RSRC1: variants seen among roughly 807,000 people sequenced by gnomAD.
RSRC1 encodes arginine and serine rich coiled-coil 1.
A neutral mutation model predicts 49.1 loss-of-function variants in RSRC1; 39 were observed. That is an observed-to-expected ratio of 0.79 (90% CI 0.61 to 1.04). The LOEUF (loss-of-function observed/expected upper bound fraction) is 1.04. Among genes scored for constraint, RSRC1 ranks in the 50% least tolerant of loss-of-function variants. The pLI is 0.00. For synonymous variants in RSRC1, 143 were observed against 130.8 expected (o/e 1.09, Z -0.63); for missense variants, 388 against 402.4 (o/e 0.96, Z 0.31).
chr3:158,149,017 C>G (rs902475925), intron 3 of RSRC1, among the ~76,000 whole-genome samples: 1 of 152,170 alleles, frequency 6.6e-6, no homozygotes, highest in Non-Finnish European at 1.5e-5. Flanking sequence ...CTCCTGACCT[C>G]AGGTGATCCA....
intron 6 of RSRC1, among the ~76,000 whole-genome samples, chr3:158,437,121 A>G (rs1736083208): frequency 1.3e-5 from 2 of 152,064 alleles, no homozygotes; most frequent in Admixed American, 1.3e-4. Context: ...CACACACAAA[A>G]AAAAAAACCT....
chr3:158,366,898 T>C (rs1280100443), intron 6 of RSRC1, among the ~76,000 whole-genome samples: 2 of 152,170 alleles, frequency 1.3e-5, no homozygotes, highest in African/African-American at 4.8e-5. Context: ...TATTTTATTC[T>C]CTTTGTAGCA....
At chr3:158,306,403 T>A (rs1009838138) in intron 5 of RSRC1, among the ~76,000 whole-genome samples, 14 of 151,966 alleles carry the variant, frequency 9.2e-5, no homozygotes, top group African/African-American at 3.1e-4. Flanking sequence ...TTGCTGGAAT[T>A]CTGTCAAAAT....
intron 4 of RSRC1, among the ~76,000 whole-genome samples, chr3:158,289,761 CAT>C (rs1477433732): frequency 2.0e-5 from 3 of 152,162 alleles, no homozygotes; most frequent in Non-Finnish European, 4.4e-5. Context: ...TGACATTAAG[CAT>C]TTTTAAAAAT....
intron 3 of RSRC1, among the ~76,000 whole-genome samples, chr3:158,200,020 A>T (rs964033144): frequency 6.6e-6 from 1 of 151,966 alleles, no homozygotes; most frequent in African/African-American, 2.4e-5. Context: ...TGCTGTTTAT[A>T]TGATGTATAT....
chr3:158,239,663 T>C (rs980735418), intron 4 of RSRC1, among the ~76,000 whole-genome samples: 2 of 152,048 alleles, frequency 1.3e-5, no homozygotes, highest in Non-Finnish European at 2.9e-5. Flanking sequence ...ACATGGCACA[T>C]GTATGCCTGT....
chr3:158,420,241 G>A (rs766301784), intron 6 of RSRC1, among the ~76,000 whole-genome samples: 7 of 151,920 alleles, frequency 4.6e-5, no homozygotes, highest in South Asian at 2.1e-4. Flanking sequence ...AAATAAACCC[G>A]AACTCTGCCC....
chr3:158,485,030 C>T (rs1436535561), intron 7 of RSRC1, among the ~76,000 whole-genome samples: 2 of 151,970 alleles, frequency 1.3e-5, no homozygotes, highest in Admixed American at 6.6e-5. Flanking sequence ...CTATAGAGCC[C>T]ATTTTCCAAC....
chr3:158,420,312 TA>T (rs1734971869), intron 6 of RSRC1, among the ~76,000 whole-genome samples: 1 of 151,950 alleles, frequency 6.6e-6, no homozygotes, highest in Admixed American at 6.6e-5. Context: ...TGGTTGAAAG[TA>T]GTAAAGCTCA....
chr3:158,416,343 A>G (rs1027197712), intron 6 of RSRC1, among the ~76,000 whole-genome samples: 23 of 151,974 alleles, frequency 1.5e-4, no homozygotes, highest in African/African-American at 5.6e-4. Context: ...CTTTGTGACT[A>G]CTTGACCATT....
intron 7 of RSRC1, among the ~76,000 whole-genome samples, chr3:158,513,475 C>G (rs1740303035): frequency 6.6e-6 from 1 of 152,102 alleles, no homozygotes; most frequent in African/African-American, 2.4e-5. Context: ...CCCACTTGAT[C>G]ATGGTGGATA....
intron 5 of RSRC1, among the ~76,000 whole-genome samples, chr3:158,311,212 T>A (rs1397144210): frequency 6.6e-6 from 1 of 151,932 alleles, no homozygotes; most frequent in African/African-American, 2.4e-5. Context: ...TATATCTATA[T>A]CTTACCTACC....
At chr3:158,230,262 A>G (rs1182221646) in intron 4 of RSRC1, among the ~76,000 whole-genome samples, 5 of 152,094 alleles carry the variant, frequency 3.3e-5, no homozygotes. Flanking sequence ...AAGTGGTATC[A>G]TGTCCTGTTT....
chr3:158,221,020 G>A (rs1337412407), intron 4 of RSRC1, among the ~76,000 whole-genome samples: 2 of 151,568 alleles, frequency 1.3e-5, no homozygotes, highest in African/African-American at 2.4e-5. Flanking sequence ...CCCAGTATTG[G>A]TGAAAAGTAT....
chr3:158,312,004 C>T (rs2108145708), intron 5 of RSRC1, among the ~76,000 whole-genome samples: 1 of 151,934 alleles, frequency 6.6e-6, no homozygotes, highest in South Asian at 2.1e-4. Context: ...AAATTAATAT[C>T]CATGAGAGAA....
chr3:158,246,708 C>T (rs1032707411), intron 4 of RSRC1, among the ~76,000 whole-genome samples: 1 of 152,038 alleles, frequency 6.6e-6, no homozygotes. Flanking sequence ...GAATGTTGCC[C>T]CCCTATCTTT....
At chr3:158,394,143 G>A (rs972434685) in intron 6 of RSRC1, among the ~76,000 whole-genome samples, 4 of 151,828 alleles carry the variant, frequency 2.6e-5, no homozygotes, top group Non-Finnish European at 4.4e-5. Flanking sequence ...AGGCATTCAC[G>A]GGATATACCT....
chr3:158,512,221 T>A (rs1740228370), intron 7 of RSRC1, among the ~76,000 whole-genome samples: 1 of 146,318 alleles, frequency 6.8e-6, no homozygotes, highest in African/African-American at 2.6e-5. Context: ...ATGCCTAGGT[T>A]TTCTTCGAGG....
chr3:158,355,681 A>G (rs1731118163), intron 6 of RSRC1, among the ~76,000 whole-genome samples: 1 of 151,986 alleles, frequency 6.6e-6, no homozygotes, highest in African/African-American at 2.4e-5. Context: ...TAAGATCTAT[A>G]TTTTCTGAGT....
Sources: allele counts gnomAD v4.1 joint callset (sites outside exome capture counted in the v4.1 genomes callset), GRCh38; gene constraint gnomAD v4.1.1; transcripts MANE v1.5; gene names NCBI Gene and HGNC (gene_info 2026-07-23, HGNC 2026-07-21).